The following RNF150 variants were observed in gnomAD, a reference collection of about 807,000 sequenced individuals.
RNF150 encodes the protein ring finger protein 150.
In RNF150, 24 loss-of-function variants were observed where a neutral mutation model predicts 39.3. The ratio of observed to expected loss-of-function variants is 0.61; its 90% CI spans 0.44 to 0.86. RNF150 has a LOEUF of 0.86. Among genes scored for constraint, RNF150 ranks in the 40% least tolerant of loss-of-function variants. The pLI, the probability that RNF150 is intolerant of heterozygous loss-of-function variation, is 0.00. For missense variants in RNF150, 502 were observed against 587.8 expected (o/e 0.85, Z 1.51); for synonymous variants, 255 against 227.3 (o/e 1.12, Z -1.10).
intron 4 of RNF150, among the ~76,000 whole-genome samples, chr4:140,927,056 G>C (rs1217946473): frequency 6.6e-6 from 1 of 152,084 alleles, no homozygotes; most frequent in Non-Finnish European, 1.5e-5. Context: ...TGTTCTAATA[G>C]TTCCAAAAAC....
intron 6 of RNF150, among the ~76,000 whole-genome samples, chr4:140,886,205 A>AG (rs1729570342): frequency 6.6e-6 from 1 of 151,752 alleles, no homozygotes; most frequent in African/African-American, 2.4e-5. Flanking sequence ...AAAAAAAAAA[A>AG]AAAAAAGAAA....
chr4:141,153,052 C>G (rs901907685), intron 1 of RNF150, among the ~76,000 whole-genome samples: 3 of 152,124 alleles, frequency 2.0e-5, no homozygotes, highest in African/African-American at 7.2e-5. Flanking sequence ...TAATTATGCA[C>G]TTTGCTTGCA....
intron 5 of RNF150, among the ~76,000 whole-genome samples, chr4:140,924,123 A>T (rs951689455): frequency 1.1e-4 from 16 of 151,784 alleles, no homozygotes; most frequent in South Asian, 4.2e-4. Flanking sequence ...AAGTATAATT[A>T]AAAAAAAATC....
chr4:141,181,672 A>G (rs561255987), intron 1 of RNF150, among the ~76,000 whole-genome samples: 105 of 152,146 alleles, frequency 6.9e-4, no homozygotes, highest in Non-Finnish European at 1.3e-3. Context: ...ATGCTATATC[A>G]TCTACAAATA....
At chr4:140,935,334 T>C (rs1731822416) in intron 4 of RNF150, among the ~76,000 whole-genome samples, 1 of 151,674 alleles carries the variant, frequency 6.6e-6, no homozygotes, top group East Asian at 1.9e-4. Flanking sequence ...ACTCCTTGGG[T>C]TTCTGGCAGA....
chr4:141,192,188 A>G (rs999980603), intron 1 of RNF150, among the ~76,000 whole-genome samples: 15 of 152,216 alleles, frequency 9.9e-5, no homozygotes, highest in African/African-American at 3.6e-4. Context: ...CCTCTTTTGA[A>G]CATGAGAAAA....
At chr4:141,097,738 G>GTATATATTCCATTTATA (rs1357998804) in intron 1 of RNF150, among the ~76,000 whole-genome samples, 1 of 151,412 alleles carries the variant, frequency 6.6e-6, no homozygotes, top group African/African-American at 2.4e-5. Flanking sequence ...ATTCCTTTTT[G>GTATATATTCCATTTATA]TAAACTGCTT....
intron 1 of RNF150, chr4:141,053,815 G>T: frequency 3.2e-6 from 2 of 627,872 alleles, no homozygotes; most frequent in African/African-American, 1.9e-5. Flanking sequence ...CCTTCAAAAT[G>T]CTCTCTCTCT....
chr4:140,862,424 G>C lies in RNF150; in HGVS notation c.*5837C>G. The C allele has an allele frequency of 6.6e-6, 1 of 152,116 alleles. No homozygotes were observed. The highest frequency in any genetic ancestry group is 1.5e-5 in the Non-Finnish European group (1 of 68,030). 9.4% of individuals were successfully genotyped at this position (152,116 alleles called of 1,614,324 possible). On this transcript the variant is annotated 3_prime_UTR_variant, in exon 7 of 7. Transcript: ENST00000515673. Reference sequence around the variant, plus strand: ...AAGGCAGGTGAAGAGAGATGTGACTGACCTTAGCAGGTTCTTGTAGAACAA... The same window carrying C: ...AAGGCAGGTGAAGAGAGATGTGACTCACCTTAGCAGGTTCTTGTAGAACAA...
intron 1 of RNF150, among the ~76,000 whole-genome samples, chr4:141,016,220 T>A (rs527682205): frequency 6.6e-6 from 1 of 152,268 alleles, no homozygotes; most frequent in African/African-American, 2.4e-5. Flanking sequence ...AAACAACAGA[T>A]TTCTCAAAGG....
intron 6 of RNF150, among the ~76,000 whole-genome samples, chr4:140,899,944 T>TCTCTCTCTCTCTCTCTC (rs1730114654): frequency 2.7e-5 from 3 of 110,022 alleles, no homozygotes; most frequent in Admixed American, 1.1e-4. Flanking sequence ...CTCTCTCACT[T>TCTCTCTCTCTCTCTCTC]TCTCTCTCTC....
chr4:140,973,700 A>C (rs1478487570), intron 1 of RNF150, among the ~76,000 whole-genome samples: 2 of 151,960 alleles, frequency 1.3e-5, no homozygotes, highest in African/African-American at 4.8e-5. Context: ...AACATGGTGA[A>C]ATTCTGTCTC....
chr4:141,193,277 A>C (rs1276374532), intron 1 of RNF150, among the ~76,000 whole-genome samples: 1 of 152,232 alleles, frequency 6.6e-6, no homozygotes, highest in African/African-American at 2.4e-5. Context: ...AATGATGGAC[A>C]CATCTGTTTG....
chr4:141,144,557 A>G (rs112922610), intron 1 of RNF150, among the ~76,000 whole-genome samples: 1 of 144,122 alleles, frequency 6.9e-6, no homozygotes, highest in African/African-American at 2.5e-5. Context: ...AATAAGCTCA[A>G]TTTGCTCTTG....
intron 6 of RNF150, among the ~76,000 whole-genome samples, chr4:140,885,883 C>T (rs1322004748): frequency 3.3e-5 from 5 of 152,132 alleles, no homozygotes; most frequent in African/African-American, 9.7e-5. Flanking sequence ...GGATTACAGG[C>T]GTAAGCCACA....
chr4:140,967,587 C>A, intron 2 of RNF150, 36 bp downstream of exon 2: 1 of 1,550,024 alleles, frequency 6.5e-7, no homozygotes, highest in Non-Finnish European at 8.7e-7. Context: ...ATTTTTGTAA[C>A]AATTTTTAAA....
chr4:140,958,356 T>C (rs1385644683), intron 2 of RNF150, among the ~76,000 whole-genome samples: 1 of 152,064 alleles, frequency 6.6e-6, no homozygotes, highest in Non-Finnish European at 1.5e-5. Context: ...CAGTGTTGAA[T>C]GGTCAAGAGT....
intron 1 of RNF150, among the ~76,000 whole-genome samples, chr4:140,987,428 A>C (rs1160996299): frequency 6.6e-6 from 1 of 152,120 alleles, no homozygotes; most frequent in Non-Finnish European, 1.5e-5. Flanking sequence ...AACACAGACC[A>C]ATAGAATAAA....
Position 140,926,073 on chromosome 4 carries a change from C to A in RNF150, c.891G>T (p.Arg297=). The stretch of plus-strand genomic sequence containing the variant: ...CAACACAGGACTTGTGGAAAAGATG[C>A]CTGCAATGAGAACCATACATCTTAG... ...PNDVVRILPC[R]HLFHKSCVDP... The change falls in exon 5 of 7, where the codon CGG becomes CGT. Residue 297 remains arginine, a splice_region_variant and synonymous_variant. Coordinates refer to ENST00000515673, the MANE Select transcript of RNF150 (RefSeq NM_020724.2). 1 of 1,607,414 alleles carries A rather than the reference C, an allele frequency of 6.2e-7. No homozygotes were observed. Among genetic ancestry groups the A allele is most frequent in the Non-Finnish European group, 8.5e-7 (1 of 1,173,902 alleles).
Sources: gnomAD v4.1 joint callset for allele counts (sites outside exome capture counted in the v4.1 genomes callset) on GRCh38, gnomAD v4.1.1 for gene constraint, MANE v1.5 for transcripts, NCBI Gene and HGNC (gene_info 2026-07-23, HGNC 2026-07-21) for gene names.